The following BTBD19 variants were observed in gnomAD, a reference collection of about 807,000 sequenced individuals.
BTBD19 encodes BTB/POZ domain-containing protein 19.
BTBD19 carries 20 observed loss-of-function variants against 36.1 expected under a neutral mutation model. The ratio of observed to expected loss-of-function variants is 0.55; its 90% confidence interval spans 0.39 to 0.80. The LOEUF is 0.80. BTBD19 is among the 30% of genes least tolerant of loss of function. BTBD19 has a pLI of 0.00. For missense variants in BTBD19, 325 were observed against 389.8 expected, an observed-to-expected ratio of 0.83 and a Z score of 1.40; for synonymous variants, 157 against 174.3, an observed-to-expected ratio of 0.90 and a Z score of 0.78.
Position 44,810,271 on chromosome 1 carries a change from T to C in BTBD19, c.145T>C (p.Leu49=). ...GGAGGTATTTGCCCATCGGTGCTTG[T>C]TGGCCTGTAGATGCAACTTCTTCCA... Residue 49 remains leucine, a synonymous_variant, in exon 2 of 8, where the codon TTG becomes CTG. Coordinates refer to ENST00000450269, the Ensembl canonical transcript of BTBD19. This position sits in a 1 kb window ranked among gnomAD's most constrained non-coding sequence, Gnocchi z 4.2. 2 of 1,551,456 alleles carry C rather than the reference T, an allele frequency of 1.3e-6. No homozygotes were observed. The highest frequency in any genetic ancestry group is 1.7e-6 in the Non-Finnish European group (2 of 1,147,008).
chr1:44,810,900 GA>G lies in BTBD19; in HGVS notation c.354+297del, dbSNP rs1274313046. ...AGAGAGGGAGAGGAGACAGACACAT[GA>G]AAATGCTTACCTGGGTGGCATAAGA... On this transcript the variant is annotated intron_variant, in intron 3 of 7. Transcript: ENST00000450269. The surrounding 1 kb of genome is among the most constrained non-coding windows in gnomAD (Gnocchi z 4.2). Among the ~76,000 whole-genome samples the G allele has an allele frequency of 6.6e-6, 1 of 152,146 alleles. No individual in the cohort carries two copies. The highest frequency in any genetic ancestry group is 1.5e-5 in the Non-Finnish European group (1 of 68,044).
chr1:44,813,734 C>G lies in BTBD19; in HGVS notation c.838C>G (p.Arg280Gly). 1 of 1,551,526 alleles carries G rather than the reference C, an allele frequency of 6.4e-7. No individual in the cohort carries two copies. Among genetic ancestry groups the G allele is most frequent in the Non-Finnish European group, 8.7e-7 (1 of 1,146,870 alleles). ...TCGCCGCCGGAGAGGCACCCTGCCC[C>G]GGGAGCATCACCGCTTTCTGGACCT... The change falls in exon 8 of 8, where the codon CGG becomes GGG. Residue 280 changes from arginine (R) to glycine (G), a missense_variant. Transcript: ENST00000450269. The surrounding 1 kb of genome is among the most constrained non-coding windows in gnomAD (Gnocchi z 7.8).
chr1:44,814,142 T>TTC (rs1652581635), downstream of BTBD19: 3 of 221,608 alleles, frequency 1.4e-5, no homozygotes, highest in South Asian at 5.3e-4. Flanking sequence ...TCTTTTCTTT[T>TTC]TCTTTCTCTT....
intron 4 of BTBD19, 104 bp from the exon 5 acceptor site, chr1:44,812,892 C>T (rs999953293): frequency 1.8e-6 from 2 of 1,123,068 alleles, no homozygotes; most frequent in South Asian, 1.6e-5. Context: ...CTGTCAGCCT[C>T]CCCAGCTAGG....
In BTBD19 at chr1:44,813,756, A is replaced by G. The variant is rs1260881922; in HGVS notation, c.860A>G (p.Asp287Gly). 7.7e-6 allele frequency: 12 copies of G among 1,551,036 alleles called. No individual in the cohort carries two copies. The highest frequency in any genetic ancestry group is 9.6e-6 in the Non-Finnish European group (11 of 1,146,780). Residue 287 changes from aspartate (D) to glycine (G), a missense_variant, in exon 8 of 8, where the codon GAC (aspartate) becomes GGC (glycine). Asp to Gly is a moderately conservative substitution (Grantham distance 94). Coordinates refer to ENST00000450269, the Ensembl canonical transcript of BTBD19. This position sits in a 1 kb window ranked among gnomAD's most constrained non-coding sequence, Gnocchi z 7.8. ...CCCCGGGAGCATCACCGCTTTCTGG[A>G]CCTGTCCTTCAAATGATCCAACGCC...
At chr1:44,812,521 C>T (rs1184602831) in intron 4 of BTBD19, 27 of 447,362 alleles carry the variant, frequency 6.0e-5, no homozygotes, top group Middle Eastern at 7.0e-4. Flanking sequence ...CTGGCTAACA[C>T]GGTGAAACCC....
In BTBD19 at chr1:44,810,574, G is replaced by A. The variant is rs186821493; in HGVS notation, c.321G>A (p.Ala107=). Reference sequence around the variant, plus strand: ...TACAGGTGCTGGAAGTGCTGACAGCGGCTGTGGAGTATGGGCTGGAGGAAC... The same window carrying A: ...TACAGGTGCTGGAAGTGCTGACAGCAGCTGTGGAGTATGGGCTGGAGGAAC... Residue 107 remains alanine (A), a synonymous_variant, in exon 3 of 8, where the codon GCG becomes GCA. Transcript: ENST00000450269. The surrounding 1 kb of genome is among the most constrained non-coding windows in gnomAD (Gnocchi z 4.2). 5,516 of 1,550,082 alleles carry A rather than the reference G, an allele frequency of 3.6e-3. 22 individuals carry two copies. Among genetic ancestry groups the A allele is most frequent in the Non-Finnish European group, 4.1e-3 (4,734 of 1,146,546 alleles).
chr1:44,812,927 G>T (rs1652491376), intron 4 of BTBD19, 69 bp from the exon 5 acceptor site: 2 of 1,390,430 alleles, frequency 1.4e-6, no homozygotes, highest in Non-Finnish European at 1.9e-6. Context: ...TGCAGTGGTG[G>T]GTCCCAGTGA....
rs1383631420 is a variant in BTBD19 at position 44,813,541 on chromosome 1, G to T, written c.741+42G>T. 1 of 1,541,164 alleles carries T rather than the reference G, an allele frequency of 6.5e-7. No individual in the cohort carries two copies. Among genetic ancestry groups the T allele is most frequent in the Non-Finnish European group, 8.8e-7 (1 of 1,140,444 alleles). Reference sequence around the variant, plus strand: ...CCGGCCCAGCTCCACTCAGCAGGGGGTACAGGGCGCTGGGAGGGGGCAGGA... The same window carrying T: ...CCGGCCCAGCTCCACTCAGCAGGGGTTACAGGGCGCTGGGAGGGGGCAGGA... On this transcript the variant is annotated intron_variant, in intron 7 of 7. Transcript: ENST00000450269. The surrounding 1 kb of genome is among the most constrained non-coding windows in gnomAD (Gnocchi z 7.8).
chr1:44,811,220 C>CAAA (rs35007342), intron 3 of BTBD19, among the ~76,000 whole-genome samples: 4 of 71,212 alleles, frequency 5.6e-5, no homozygotes, highest in African/African-American at 6.0e-5. Context: ...GACTTGCCCT[C>CAAA]AAAAAAAAAA....
Position 44,813,939 on chromosome 1 carries a change from A to C in BTBD19, c.*167A>C. Reference sequence around the variant, plus strand: ...TGCCACGCGCAGCCCCTTGTGCGGGATCAAGCCCGTGTGGGCGAGGTGGGG... The same window carrying C: ...TGCCACGCGCAGCCCCTTGTGCGGGCTCAAGCCCGTGTGGGCGAGGTGGGG... On this transcript the variant is annotated 3_prime_UTR_variant, in exon 8 of 8. Transcript: ENST00000450269. The surrounding 1 kb of genome is among the most constrained non-coding windows in gnomAD (Gnocchi z 7.8). The C allele has an allele frequency of 2.5e-6, 3 of 1,178,156 alleles. No homozygotes were observed. Among genetic ancestry groups the C allele is most frequent in the Non-Finnish European group, 3.6e-6 (3 of 843,880 alleles). The allele number at this position is 1,178,156 out of a possible 1,614,324, so 73.0% of individuals were successfully genotyped here. A position where few individuals can be genotyped will look rare whatever the true frequency, so the allele number is the denominator to read the frequency against.
At chr1:44,812,132 G>T in intron 4 of BTBD19, 34 bp downstream of exon 4, 1 of 1,286,550 alleles carries the variant, frequency 7.8e-7, no homozygotes, top group Non-Finnish European at 1.0e-6. Context: ...GTAGGAGTCT[G>T]GCTCTGTGTG....
Position 44,810,788 on chromosome 1 carries a change from T to G in BTBD19, c.354+181T>G. 1 of 446,452 alleles carries G rather than the reference T, an allele frequency of 2.2e-6. No individual in the cohort carries two copies. The highest frequency in any genetic ancestry group is 2.0e-5 in the South Asian group (1 of 49,500). 27.7% of individuals were successfully genotyped at this position (446,452 alleles called of 1,614,324 possible). Reference sequence around the variant, plus strand: ...GCCTGTGTGCAAAAGGATCCATGCATGCCTGCCCTGTGTGTGCTGTGGGAA... The same window carrying G: ...GCCTGTGTGCAAAAGGATCCATGCAGGCCTGCCCTGTGTGTGCTGTGGGAA... On this transcript the variant is annotated intron_variant, in intron 3 of 7. Coordinates refer to ENST00000450269, the Ensembl canonical transcript of BTBD19. This position sits in a 1 kb window ranked among gnomAD's most constrained non-coding sequence, Gnocchi z 4.2.
In BTBD19 at chr1:44,813,182, G is replaced by A; in HGVS notation, c.528G>A (p.Ala176=). ...GCTTCCTGGAGCTGTCGGCGGCCGC[G>A]CTGCTGCCCCTGCTCCGCAGCGACA... Residue 176 remains alanine (A), a synonymous_variant, in exon 6 of 8, where the codon GCG becomes GCA. Transcript: ENST00000450269. The surrounding 1 kb of genome is among the most constrained non-coding windows in gnomAD (Gnocchi z 7.8). The A allele has an allele frequency of 6.5e-7, 1 of 1,538,224 alleles. No individual in the cohort carries two copies. Among genetic ancestry groups the A allele is most frequent in the Non-Finnish European group, 8.7e-7 (1 of 1,144,532 alleles).
intron 4 of BTBD19, 140 bp downstream of exon 4, chr1:44,812,238 G>A (rs1557633166): frequency 1.8e-6 from 1 of 566,792 alleles, no homozygotes. Flanking sequence ...CTCCAAGGAT[G>A]TTTATAGGAT....
In BTBD19 at chr1:44,809,402, C is replaced by T. The variant is rs573265697; in HGVS notation, c.86+496C>T. On this transcript the variant is annotated intron_variant, in intron 1 of 7. Transcript: ENST00000450269. ...TGGCTGCTCCCTGCTGGCCGGGATG[C>T]CAGTGGTGTCTGAAACCAGGGGTAG... 6.2e-4 allele frequency among the ~76,000 whole-genome samples: 95 copies of T among 152,282 alleles called. 1 individual carries two copies. The highest frequency in any genetic ancestry group is 2.2e-3 in the African/African-American group (93 of 41,562).
intron 4 of BTBD19, chr1:44,812,624 G>A: frequency 5.0e-6 from 2 of 397,572 alleles, no homozygotes; most frequent in Non-Finnish European, 9.8e-6. Flanking sequence ...TTGAACCCGG[G>A]AGGCAGAGGT....
intron 1 of BTBD19, among the ~76,000 whole-genome samples, chr1:44,809,366 C>T (rs79412851): frequency 0.11 from 16,259 of 152,242 alleles, 1,068 homozygotes; most frequent in Non-Finnish European, 0.16. Context: ...GACAGGAAGC[C>T]TCGGGGGTGC....
rs1040784677 is a variant in BTBD19, at chr1:44,810,866, G to A, written c.354+259G>A. ...GATACAAAGATATCAGCCTTGATCC[G>A]TGTTCTCCAGAGAGGGAGAGGAGAC... On this transcript the variant is annotated intron_variant, in intron 3 of 7. Coordinates refer to ENST00000450269, the Ensembl canonical transcript of BTBD19. This position sits in a 1 kb window ranked among gnomAD's most constrained non-coding sequence, Gnocchi z 4.2. The A allele has an allele frequency of 2.1e-5, 7 of 328,082 alleles. No homozygotes were observed. Among genetic ancestry groups the A allele is most frequent in the Admixed American group, 4.4e-5 (1 of 22,784 alleles). 20.3% of individuals were successfully genotyped at this position (328,082 alleles called of 1,614,324 possible).
Sources: allele counts gnomAD v4.1 joint callset (sites outside exome capture counted in the v4.1 genomes callset), GRCh38; gene constraint gnomAD v4.1.1; non-coding constraint Gnocchi (gnomAD v3.1); transcripts MANE v1.5; gene names NCBI Gene and HGNC (gene_info 2026-07-23, HGNC 2026-07-21).